Variants in BCAR3 observed in about 807,000 individuals in gnomAD.
The protein encoded by BCAR3 is breast cancer anti-estrogen resistance protein 3.
A neutral mutation model predicts 80.1 loss-of-function variants in BCAR3; 37 were observed. The ratio of observed to expected loss-of-function variants is 0.46; its 90% confidence interval spans 0.36 to 0.61. BCAR3 has a LOEUF of 0.61. Among genes scored for constraint, BCAR3 ranks in the 20% least tolerant of loss-of-function variants. The pLI is 0.00. For synonymous variants in BCAR3, 389 were observed against 418.9 expected (o/e 0.93, Z 0.87); for missense variants, 978 against 1,068.2 (o/e 0.92, Z 1.18).
At chr1:93,847,873 C>T (rs1655287990), upstream of BCAR3, 2 of 205,112 alleles carry the variant, frequency 9.8e-6, no homozygotes, top group Admixed American at 1.2e-4. Context: ...GCCGACTGGG[C>T]AGTCGATGTA....
chr1:93,564,249 C>A (rs1471182035), intron 11 of BCAR3, among the ~76,000 whole-genome samples: 1 of 148,784 alleles, frequency 6.7e-6, no homozygotes, highest in African/African-American at 2.5e-5. Flanking sequence ...ATGTTTTCTG[C>A]TGTGGTTCAT....
chr1:93,690,317 CTAAT>C (rs1469493752), intron 3 of BCAR3, among the ~76,000 whole-genome samples: 1 of 152,210 alleles, frequency 6.6e-6, no homozygotes, highest in Non-Finnish European at 1.5e-5. Flanking sequence ...CTGATTATCA[CTAAT>C]TACTTTTATT....
In BCAR3 at chr1:93,837,972, G is replaced by T. The variant is rs780347889; in HGVS notation, c.-63+7595C>A. On this transcript the variant is annotated intron_variant, in intron 2 of 13. Coordinates refer to the BCAR3 transcript ENST00000370244. ...GTTCAAGGCTCTAGCATGGACTCTTGTTAGGACAGTATCTACAGGGTCTTT... is the reference window on the plus strand; with the variant it reads ...GTTCAAGGCTCTAGCATGGACTCTTTTTAGGACAGTATCTACAGGGTCTTT... 2.3e-3 allele frequency among the ~76,000 whole-genome samples: 343 copies of T among 152,322 alleles called. 4 individuals are homozygous for T. Among genetic ancestry groups the T allele is most frequent in the Non-Finnish European group, 1.4e-3 (96 of 68,028 alleles).
chr1:93,582,705 T>C lies in BCAR3; in HGVS notation c.1282A>G (p.Asn428Asp). The change falls in exon 7 of 12, where the codon AAC (asparagine) becomes GAC (aspartate). Residue 428 changes from asparagine (N) to aspartate (D), a missense_variant. Transcript: ENST00000260502. ...AACGCTGGGTTCAGTTCACAGTAGT[T>C]GGCCTCTGAGTTGAGCCAGGCAGAG... ...SPSAWLNSEA[N>D]YCELNPAFAT... The C allele has an allele frequency of 6.2e-7, 1 of 1,614,064 alleles. No individual in the cohort carries two copies. Among genetic ancestry groups the C allele is most frequent in the Non-Finnish European group, 8.5e-7 (1 of 1,179,992 alleles).
At chr1:93,643,459 T>C (rs183537) in intron 2 of BCAR3, among the ~76,000 whole-genome samples, 6,320 of 144,642 alleles carry the variant, frequency 0.044, 199 homozygotes, top group African/African-American at 0.085. Flanking sequence ...GGCAGGAGAA[T>C]TGCTTGAACC....
At chr1:93,703,487 A>C (rs944759913) in intron 3 of BCAR3, among the ~76,000 whole-genome samples, 5 of 151,502 alleles carry the variant, frequency 3.3e-5, no homozygotes, top group African/African-American at 1.2e-4. Flanking sequence ...GGATTGCTTG[A>C]GCCTAGGAGT....
At position 93,674,715 on chromosome 1, in the gene BCAR3, G is replaced by C; in HGVS notation, c.216C>G (p.Thr72=). The stretch of plus-strand genomic sequence containing the variant: ...GCCGTGGGGATTTGGAGTGGGGGAG[G>C]GTGCCCATGTGACTGAAGTCATCAC... The part of the protein sequence containing the change: ...RSCDDFSHMG[T]LPHSKSPRQN... The change falls in exon 2 of 12, where the codon ACC becomes ACG. Residue 72 remains threonine, a synonymous_variant. Coordinates refer to ENST00000260502, the MANE Select transcript of BCAR3 (RefSeq NM_003567.4). 1 of 1,614,026 alleles carries C rather than the reference G, an allele frequency of 6.2e-7. No individual in the cohort carries two copies. The highest frequency in any genetic ancestry group is 8.5e-7 in the Non-Finnish European group (1 of 1,179,988).
At chr1:93,697,073 C>G (rs947321601) in intron 3 of BCAR3, among the ~76,000 whole-genome samples, 4 of 152,228 alleles carry the variant, frequency 2.6e-5, no homozygotes, top group Non-Finnish European at 4.4e-5. Context: ...GCAGCAGGAC[C>G]ACCCAGGTAC....
At chr1:93,650,588 G>T (rs1176830177) in intron 2 of BCAR3, among the ~76,000 whole-genome samples, 8 of 152,158 alleles carry the variant, frequency 5.3e-5, no homozygotes, top group South Asian at 4.2e-4. Flanking sequence ...AATAGTACTT[G>T]TATCATAGGA....
chr1:93,611,983 T>C (rs544125039), intron 3 of BCAR3, among the ~76,000 whole-genome samples: 11 of 152,244 alleles, frequency 7.2e-5, no homozygotes, highest in African/African-American at 2.6e-4. Context: ...TCAATCCCAA[T>C]TTAATTTTGA....
intron 2 of BCAR3, among the ~76,000 whole-genome samples, chr1:93,837,851 C>T (rs114778873): frequency 3.1e-3 from 469 of 152,306 alleles, no homozygotes; most frequent in African/African-American, 0.011. Flanking sequence ...GGGCTCTGGC[C>T]CTTACTTCAT....
At chr1:93,809,350 A>C (rs1018738330) in intron 2 of BCAR3, among the ~76,000 whole-genome samples, 1 of 151,862 alleles carries the variant, frequency 6.6e-6, no homozygotes, top group Non-Finnish European at 1.5e-5. Flanking sequence ...AAAACTCAAA[A>C]CAAAACAAAA....
intron 2 of BCAR3, among the ~76,000 whole-genome samples, chr1:93,735,578 T>C (rs1650945862): frequency 6.6e-6 from 1 of 152,256 alleles, no homozygotes; most frequent in African/African-American, 2.4e-5. Context: ...TCATTTTATA[T>C]TTTGTAGACA....
intron 2 of BCAR3, among the ~76,000 whole-genome samples, chr1:93,832,953 C>G (rs1280146202): frequency 6.6e-6 from 1 of 152,108 alleles, no homozygotes; most frequent in Admixed American, 6.5e-5. Context: ...TCCACAAGTA[C>G]AGGACACCTC....
At chr1:93,589,622 CCAAGCACCACTG>C (rs1299202948) in intron 4 of BCAR3, among the ~76,000 whole-genome samples, 1 of 152,234 alleles carries the variant, frequency 6.6e-6, no homozygotes, top group Non-Finnish European at 1.5e-5. Context: ...CCTACTCGTG[CCAAGCACCACTG>C]CAGGCTCAGG....
Position 93,820,704 on chromosome 1 carries a change from G to A in BCAR3, c.-63+24863C>T, listed in dbSNP as rs563241459. Among the ~76,000 whole-genome samples, 10 of 152,220 alleles carry A rather than the reference G, an allele frequency of 6.6e-5. No individual in the cohort carries two copies. In the East Asian group the frequency reaches 1.7e-3, roughly 27 times the overall value. ...TGTTTAGGGTTTTTGTGGAGGTTCCGTTACATAGGCATGATTGATTAAATC... is the reference window on the plus strand; with the variant it reads ...TGTTTAGGGTTTTTGTGGAGGTTCCATTACATAGGCATGATTGATTAAATC... On this transcript the variant is annotated intron_variant, in intron 2 of 13. Coordinates refer to the BCAR3 transcript ENST00000370244.
chr1:93,700,171 C>G (rs1054566866), intron 3 of BCAR3, among the ~76,000 whole-genome samples: 2 of 152,198 alleles, frequency 1.3e-5, no homozygotes, highest in African/African-American at 4.8e-5. Flanking sequence ...TTTAGATCCC[C>G]CCTAATGCTT....
intron 2 of BCAR3, among the ~76,000 whole-genome samples, chr1:93,733,031 A>C (rs993965257): frequency 6.6e-6 from 1 of 152,180 alleles, no homozygotes; most frequent in Admixed American, 6.6e-5. Context: ...AGCAACACGA[A>C]ATACAAAACT....
chr1:93,635,937 T>C (rs1396077124), intron 3 of BCAR3, among the ~76,000 whole-genome samples: 1 of 152,202 alleles, frequency 6.6e-6, no homozygotes, highest in Non-Finnish European at 1.5e-5. Context: ...GCTGCAGCCA[T>C]CTTGAGCACA....
Sources: gnomAD v4.1 joint callset for allele counts (sites outside exome capture counted in the v4.1 genomes callset) on GRCh38, gnomAD v4.1.1 for gene constraint, MANE v1.5 for transcripts, NCBI Gene and HGNC (gene_info 2026-07-23, HGNC 2026-07-21) for gene names.